SNX29: variants seen among roughly 807,000 people sequenced by gnomAD.
The protein encoded by SNX29 is sorting nexin 29.
In SNX29, 78 loss-of-function variants were observed where a neutral mutation model predicts 102.1. That is an observed-to-expected ratio of 0.76 (90% confidence interval 0.64 to 0.92). The LOEUF is 0.92. Among genes scored for constraint, SNX29 ranks in the 40% least tolerant of loss-of-function variants. The pLI, the probability that SNX29 is intolerant of heterozygous loss-of-function variation, is 0.00. For missense variants in SNX29, 1,280 were observed against 1,061.7 expected, an observed-to-expected ratio of 1.21 and a Z score of -2.86; for synonymous variants, 580 against 414.5, an observed-to-expected ratio of 1.40 and a Z score of -4.85.
chr16:12,062,765 C>T (rs1596740595), intron 9 of SNX29, among the ~76,000 whole-genome samples: 1 of 152,166 alleles, frequency 6.6e-6, no homozygotes, highest in East Asian at 1.9e-4. Context: ...AAATTCTGAA[C>T]TGGGGTGTAG....
At chr16:12,004,284 T>C (rs1252163331) in intron 3 of SNX29, among the ~76,000 whole-genome samples, 1 of 150,548 alleles carries the variant, frequency 6.6e-6, no homozygotes, top group East Asian at 1.9e-4. Flanking sequence ...GAGGTTGCAG[T>C]GAGCCGAGAT....
intron 15 of SNX29, among the ~76,000 whole-genome samples, chr16:12,296,601 C>CT (rs1334174621): frequency 6.6e-6 from 1 of 152,184 alleles, no homozygotes; most frequent in Non-Finnish European, 1.5e-5. Flanking sequence ...GTCAATAAAA[C>CT]TTTATTTACC....
chr16:11,998,067 C>T (rs2056153884), intron 1 of SNX29, among the ~76,000 whole-genome samples: 1 of 152,158 alleles, frequency 6.6e-6, no homozygotes, highest in South Asian at 2.1e-4. Context: ...TGTTATCAAC[C>T]AGCTGGCCCT....
At position 12,572,092 on chromosome 16, in the gene SNX29, G is replaced by A. The variant is rs993944267; in HGVS notation, c.*3463G>A. 2 of 1,009,500 alleles carry A rather than the reference G, an allele frequency of 2.0e-6. No homozygotes were observed. Among genetic ancestry groups the A allele is most frequent in the Non-Finnish European group, 2.4e-6 (2 of 829,112 alleles). 62.5% of individuals were successfully genotyped at this position (1,009,500 alleles called of 1,614,324 possible). On this transcript the variant is annotated 3_prime_UTR_variant, in exon 21 of 21. Coordinates refer to ENST00000566228, the MANE Select transcript of SNX29 (RefSeq NM_032167.5). Reference sequence around the variant, plus strand: ...AAGATCTAGGAAGAGGAAGGGGAGGGATGTGGACTGGGTCTGATCACAGCC... The same window carrying A: ...AAGATCTAGGAAGAGGAAGGGGAGGAATGTGGACTGGGTCTGATCACAGCC...
At chr16:12,361,985 A>G (rs184297570) in intron 16 of SNX29, among the ~76,000 whole-genome samples, 1 of 152,216 alleles carries the variant, frequency 6.6e-6, no homozygotes, top group South Asian at 2.1e-4. Context: ...ACATGCCTAT[A>G]CATGTTAATA....
intron 3 of SNX29, among the ~76,000 whole-genome samples, chr16:12,010,109 A>G (rs1210169872): frequency 6.6e-6 from 1 of 152,218 alleles, no homozygotes; most frequent in East Asian, 1.9e-4. Context: ...AATGGTATTC[A>G]CTTCAGAGGG....
chr16:12,109,416 A>G (rs146622823), intron 11 of SNX29, among the ~76,000 whole-genome samples: 2 of 152,276 alleles, frequency 1.3e-5, no homozygotes, highest in Non-Finnish European at 2.9e-5. Context: ...TGAATGGTTC[A>G]ATACACTCAT....
intron 14 of SNX29, among the ~76,000 whole-genome samples, chr16:12,242,550 T>TC (rs1462370984): frequency 6.6e-6 from 1 of 150,906 alleles, no homozygotes; most frequent in Admixed American, 6.6e-5. Context: ...TTCAGCTGTG[T>TC]CTGATTTGGC....
intron 14 of SNX29, among the ~76,000 whole-genome samples, chr16:12,209,181 G>A (rs146687788): frequency 1.8e-4 from 27 of 152,290 alleles, no homozygotes; most frequent in African/African-American, 5.8e-4. Flanking sequence ...GGTTGCAGGG[G>A]GGTAAAGTAT....
At chr16:12,351,663 C>G (rs1185274586) in intron 15 of SNX29, among the ~76,000 whole-genome samples, 1 of 152,032 alleles carries the variant, frequency 6.6e-6, no homozygotes, top group African/African-American at 2.4e-5. Context: ...AAAGTTTTCT[C>G]ACAGCCACAT....
Position 12,376,249 on chromosome 16 carries a change from C to T in SNX29, c.1899+19970C>T, listed in dbSNP as rs531264821. Among the ~76,000 whole-genome samples, 142 of 152,284 alleles carry T rather than the reference C, an allele frequency of 9.3e-4. 1 individual carries two copies. The highest frequency in any genetic ancestry group is 2.3e-3 in the South Asian group (11 of 4,826). ...AGCCCCCACGCCACGTCCCTGGCAC[C>T]TTTACTGGCCCCCCGGGAGCGAGTT... On this transcript the variant is annotated intron_variant, in intron 16 of 20. Coordinates refer to ENST00000566228, the MANE Select transcript of SNX29 (RefSeq NM_032167.5).
At chr16:12,554,773 C>G (rs940628283) in intron 20 of SNX29, among the ~76,000 whole-genome samples, 7 of 147,656 alleles carry the variant, frequency 4.7e-5, no homozygotes, top group African/African-American at 8.1e-5. Context: ...CTCTCTCCCC[C>G]GCCATAGAAT....
intron 20 of SNX29, among the ~76,000 whole-genome samples, chr16:12,536,952 G>A (rs1457646871): frequency 3.3e-5 from 5 of 152,114 alleles, no homozygotes; most frequent in African/African-American, 1.2e-4. Flanking sequence ...CTCCAGCCTA[G>A]GCGACAGAGT....
chr16:12,547,915 G>A (rs551212873), intron 20 of SNX29, among the ~76,000 whole-genome samples: 2 of 152,104 alleles, frequency 1.3e-5, no homozygotes, highest in African/African-American at 2.4e-5. Flanking sequence ...TGCTCTTAGG[G>A]GTTCAGGGAT....
intron 15 of SNX29, among the ~76,000 whole-genome samples, chr16:12,338,926 C>T (rs2081532282): frequency 6.6e-6 from 1 of 152,228 alleles, no homozygotes; most frequent in East Asian, 1.9e-4. Flanking sequence ...TGATGCTGCC[C>T]TGCAGCTTAG....
chr16:12,429,344 A>T (rs1429492814), intron 18 of SNX29, among the ~76,000 whole-genome samples: 11 of 152,150 alleles, frequency 7.2e-5, no homozygotes, highest in Non-Finnish European at 1.2e-4. Flanking sequence ...ATTGCAGTTG[A>T]TATCTCCTTC....
chr16:12,167,207 A>T (rs557677869), intron 13 of SNX29, among the ~76,000 whole-genome samples: 12 of 152,242 alleles, frequency 7.9e-5, no homozygotes, highest in Non-Finnish European at 1.2e-4. Flanking sequence ...TGTTTCCCTC[A>T]TGAGAAGTCT....
Position 12,085,089 on chromosome 16 carries a change from A to G in SNX29, c.1402+6174A>G, listed in dbSNP as rs74667258. On this transcript the variant is annotated intron_variant, in intron 11 of 20. Coordinates refer to ENST00000566228, the MANE Select transcript of SNX29 (RefSeq NM_032167.5). The stretch of plus-strand genomic sequence containing the variant: ...GTCTCAAAAAGAAAAAGAAAAAAAA[A>G]AGAAATCCCCAGGGCAGTGAGTGTC... Among the ~76,000 whole-genome samples the G allele has an allele frequency of 9.9e-3, 1,499 of 151,988 alleles. 15 individuals carry two copies. Among genetic ancestry groups the G allele is most frequent in the Non-Finnish European group, 0.015 (1,039 of 67,934 alleles).
In SNX29 at chr16:12,356,288, T is replaced by G; in HGVS notation, c.1899+9T>G. 6.3e-7 allele frequency: 1 copy of G among 1,588,078 alleles called. No individual in the cohort carries two copies. The highest frequency in any genetic ancestry group is 1.8e-5 in the Admixed American group (1 of 56,184). On this transcript the variant is annotated intron_variant, in intron 16 of 20. Transcript: ENST00000566228. ...TCGATCTCCGGGGACCGGTGAGTGT[T>G]TCCCCAACCCTGTGTGTCTGTCAAG...
Sources: allele counts gnomAD v4.1 joint callset (sites outside exome capture counted in the v4.1 genomes callset), GRCh38; gene constraint gnomAD v4.1.1; transcripts MANE v1.5; gene names NCBI Gene and HGNC (gene_info 2026-07-23, HGNC 2026-07-21).